Variants in NT5C1B observed in about 807,000 individuals in gnomAD.
NT5C1B encodes cytosolic 5'-nucleotidase 1B.
NT5C1B carries 44 observed loss-of-function variants against 57.8 expected under a neutral mutation model. The ratio of observed to expected loss-of-function variants is 0.76; its 90% confidence interval spans 0.60 to 0.98. NT5C1B has a LOEUF of 0.98. NT5C1B is among the 50% of genes least tolerant of loss of function. The probability of loss-of-function intolerance (pLI) is 0.00; values close to 1 mark genes in which losing one functional copy is unlikely to be tolerated. For missense variants in NT5C1B, 742 were observed against 719.5 expected (o/e 1.03, Z -0.36); for synonymous variants, 284 against 282.6 (o/e 1.00, Z -0.05).
At chr2:18,576,241 A>C (rs774249364) in exon 8 of NT5C1B, 4 of 1,613,734 alleles carry the variant, frequency 2.5e-6, no homozygotes, top group Non-Finnish European at 3.4e-6. Context: ...TGTCGAGCCC[A>C]TGCTCCTTGG....
At chr2:18,576,688 C>T (rs138473468) in intron 7 of NT5C1B, 85 bp downstream of exon 7, 20 of 1,574,122 alleles carry the variant, frequency 1.3e-5, no homozygotes, top group Non-Finnish European at 1.7e-5. Context: ...AGACCATAAG[C>T]CTCATAATCA....
chr2:18,573,070 A>C (rs1370903511), intron 8 of NT5C1B, among the ~76,000 whole-genome samples: 1 of 152,210 alleles, frequency 6.6e-6, no homozygotes. Context: ...AGGTAAATGA[A>C]TAAAGAAAAT....
At position 18,584,401 on chromosome 2, in the gene NT5C1B, C is replaced by T. The variant is rs549065962; in HGVS notation, c.723+113G>A. ...GGAGACAGCTGAGGCTGGGACTCCC[C>T]GAAGTTTGGGGAGGAGAAGCGGGAG... On this transcript the variant is annotated intron_variant, in intron 4 of 8. Transcript: ENST00000304081. This position sits in a 1 kb window ranked among gnomAD's most constrained non-coding sequence, Gnocchi z 5.8. 2.6e-6 allele frequency: 4 copies of T among 1,525,466 alleles called. No homozygotes were observed. Among genetic ancestry groups the T allele is most frequent in the East Asian group, 2.3e-5 (1 of 42,558 alleles). The allele number at this position is 1,525,466 out of a possible 1,614,324, so 94.5% of individuals were successfully genotyped here.
At chr2:18,587,007 A>G (rs1666772760) in intron 2 of NT5C1B, 2 of 1,614,006 alleles carry the variant, frequency 1.2e-6, no homozygotes, top group Non-Finnish European at 1.7e-6. Context: ...CATCATGGTG[A>G]TCTGCTGGCC....
chr2:18,579,977 T>A (rs1666040472), intron 6 of NT5C1B, among the ~76,000 whole-genome samples: 1 of 152,038 alleles, frequency 6.6e-6, no homozygotes, highest in South Asian at 2.1e-4. Context: ...GCAAATGACA[T>A]GAATAGACAC....
At chr2:18,575,003 C>T (rs574616779) in intron 8 of NT5C1B, among the ~76,000 whole-genome samples, 1 of 151,518 alleles carries the variant, frequency 6.6e-6, no homozygotes, top group East Asian at 1.9e-4. Context: ...GAACAAAGTA[C>T]AAAATGAGAA....
At chr2:18,568,087 G>GACACAGACAC (rs1553326326) in intron 8 of NT5C1B, among the ~76,000 whole-genome samples, 9 of 142,598 alleles carry the variant, frequency 6.3e-5, no homozygotes, top group Non-Finnish European at 1.2e-4. Context: ...AATGCTGTGG[G>GACACAGACAC]ACACACACAC....
At chr2:18,563,909 A>G (rs374183150) in exon 9 of NT5C1B, 8 of 1,614,070 alleles carry the variant, frequency 5.0e-6, no homozygotes, top group African/African-American at 2.7e-5. Context: ...ATCTTCACCA[A>G]GATGGGACTT....
At position 18,563,975 on chromosome 2, in the gene NT5C1B, G is replaced by A. The variant is rs1300002168; in HGVS notation, c.1474C>T (p.Leu492Phe). 6.2e-7 allele frequency: 1 copy of A among 1,614,208 alleles called. No individual in the cohort carries two copies. The highest frequency in any genetic ancestry group is 1.7e-5 in the Admixed American group (1 of 60,022). Residue 492 changes from leucine to phenylalanine, a missense_variant, in exon 9 of 9, where the codon CTT becomes TTT. Physicochemically the swap from Leu to Phe is conservative, Grantham distance 22. Transcript: ENST00000304081. ...TCTATCTCTAGACCCCAGCGTCGAA[G>A]GGTCTTCAGCACACGGGCGCCTGAA...
At chr2:18,585,206 A>G in intron 3 of NT5C1B, 1 of 774,042 alleles carries the variant, frequency 1.3e-6, no homozygotes, top group Admixed American at 1.7e-5. Flanking sequence ...GCTTCCCCAT[A>G]AGCATTTCAC....
Position 18,584,165 on chromosome 2 carries a change from G to T in NT5C1B, c.814C>A (p.Leu272Met), listed in dbSNP as rs749149800. ...AGCTGATACTCCATGTACTTTTCCA[G>T]ACCCTCTTGCTCGTAGATTTTCCTG... The change falls in exon 5 of 9, where the codon CTG becomes ATG. Residue 272 changes from leucine (L) to methionine (M), a missense_variant. Physicochemically the swap from Leu to Met is conservative, Grantham distance 15 (BLOSUM62 2). Transcript: ENST00000304081. This position sits in a 1 kb window ranked among gnomAD's most constrained non-coding sequence, Gnocchi z 5.8. 4 of 1,614,048 alleles carry T rather than the reference G, an allele frequency of 2.5e-6. No homozygotes were observed. Among genetic ancestry groups the T allele is most frequent in the African/African-American group, 2.7e-5 (2 of 74,906 alleles).
intron 6 of NT5C1B, among the ~76,000 whole-genome samples, chr2:18,581,112 A>G (rs1666144389): frequency 6.6e-6 from 1 of 152,250 alleles, no homozygotes; most frequent in Non-Finnish European, 1.5e-5. Flanking sequence ...TTTTTAAATC[A>G]GTAACAATTA....
At chr2:18,576,890 G>A in exon 7 of NT5C1B, 2 of 1,613,740 alleles carry the variant, frequency 1.2e-6, no homozygotes, top group Non-Finnish European at 1.7e-6. Context: ...CGGTCAATCA[G>A]TAAGCCTATT....
At chr2:18,575,959 A>C (rs1665629430) in intron 8 of NT5C1B, among the ~76,000 whole-genome samples, 1 of 152,190 alleles carries the variant, frequency 6.6e-6, no homozygotes, top group African/African-American at 2.4e-5. Flanking sequence ...TATTTCCAAA[A>C]GGATAGATAA....
chr2:18,587,382 G>A (rs994731922), intron 2 of NT5C1B, 121 bp downstream of exon 2: 155 of 1,517,608 alleles, frequency 1.0e-4, no homozygotes, highest in Middle Eastern at 3.5e-4. Flanking sequence ...GGACATTAGG[G>A]ACGCCTTAAT....
At chr2:18,589,245 C>G (rs1430720921) in intron 1 of NT5C1B, among the ~76,000 whole-genome samples, 194 bp downstream of exon 1, 1 of 152,198 alleles carries the variant, frequency 6.6e-6, no homozygotes, top group Non-Finnish European at 1.5e-5. Flanking sequence ...GTCTTAATTT[C>G]TTTTAAATTT....
chr2:18,583,567 T>G (rs1666376325), intron 5 of NT5C1B: 1 of 316,510 alleles, frequency 3.2e-6, no homozygotes, highest in Non-Finnish European at 6.2e-6. Flanking sequence ...TGCATGGTTA[T>G]GATGTTATTG....
intron 8 of NT5C1B, among the ~76,000 whole-genome samples, chr2:18,569,988 G>T (rs1055906680): frequency 2.0e-5 from 3 of 152,012 alleles, no homozygotes; most frequent in Non-Finnish European, 4.4e-5. Context: ...AAATAATTGA[G>T]ATACAAAATA....
chr2:18,563,940 A>G, exon 9 of NT5C1B: 1 of 1,614,196 alleles, frequency 6.2e-7, no homozygotes, highest in Non-Finnish European at 8.5e-7. Context: ...CAGCAAGGAA[A>G]AGAGCTTCGT....
Sources: allele counts gnomAD v4.1 joint callset (sites outside exome capture counted in the v4.1 genomes callset), GRCh38; gene constraint gnomAD v4.1.1; non-coding constraint Gnocchi (gnomAD v3.1); transcripts MANE v1.5; gene names NCBI Gene and HGNC (gene_info 2026-07-23, HGNC 2026-07-21).